Variants in CGGBP1 observed in about 807,000 individuals in gnomAD.
CGGBP1 encodes CGG triplet repeat binding protein 1.
Under a neutral mutation model 11.4 loss-of-function variants are expected in CGGBP1, and 4 were observed. The observed-to-expected ratio is 0.35, with a 90% CI of 0.17 to 0.80. The LOEUF is 0.80. CGGBP1 is among the 30% of genes least tolerant of loss of function. The probability of loss-of-function intolerance (pLI) is 0.52; values close to 1 mark genes in which losing one functional copy is unlikely to be tolerated. For synonymous variants in CGGBP1, 76 were observed against 74.1 expected (o/e 1.03, Z -0.13); for missense variants, 135 against 202.1 (o/e 0.67, Z 2.01).
intron 2 of CGGBP1, among the ~76,000 whole-genome samples, chr3:88,102,606 A>G (rs1177512343): frequency 6.6e-6 from 1 of 152,200 alleles, no homozygotes; most frequent in Non-Finnish European, 1.5e-5. Flanking sequence ...CTAAAATAGT[A>G]TCTGGCAATT....
intron 2 of CGGBP1, among the ~76,000 whole-genome samples, chr3:88,130,804 T>A (rs1030546132): frequency 4.0e-5 from 6 of 151,832 alleles, no homozygotes; most frequent in African/African-American, 1.5e-4. Context: ...GAGATAAGAG[T>A]CAAATAGCTA....
intron 2 of CGGBP1, among the ~76,000 whole-genome samples, chr3:88,075,603 G>C (rs1707754501): frequency 6.6e-6 from 1 of 152,080 alleles, no homozygotes; most frequent in Non-Finnish European, 1.5e-5. Context: ...TCCAGGCCTT[G>C]CATAATTTGT....
At position 88,129,089 on chromosome 3, in the gene CGGBP1, G is replaced by C. The variant is rs1576337387; in HGVS notation, c.-229+11881C>G. 1.8e-5 allele frequency: 19 copies of C among 1,060,420 alleles called. 1 individual carries two copies. In the East Asian group the frequency reaches 4.7e-4, roughly 26 times the overall value. 65.7% of individuals were successfully genotyped at this position (1,060,420 alleles called of 1,614,324 possible). On this transcript the variant is annotated intron_variant, in intron 2 of 3. Transcript: ENST00000462901. ...AACCAAAAAAAAAAAGTAGCCCACT[G>C]TTGTTGTTAAATTCCTTTTACAGTA...
chr3:88,091,461 T>G (rs2078083814), intron 2 of CGGBP1, among the ~76,000 whole-genome samples: 1 of 152,210 alleles, frequency 6.6e-6, no homozygotes, highest in Non-Finnish European at 1.5e-5. Context: ...TTGGAATTTT[T>G]TCCCTCTTTC....
At position 88,103,774 on chromosome 3, in the gene CGGBP1, T is replaced by C. The variant is rs1197567396; in HGVS notation, c.-229+37196A>G. ...AGAGATGTATTAACTTTTTTTTTTT[T>C]TTTTTTTTTTGAGATGGAGTCTTGC... is the stretch of plus-strand genomic sequence containing the variant. On this transcript the variant is annotated intron_variant, in intron 2 of 3. Coordinates refer to the CGGBP1 transcript ENST00000462901. Among the ~76,000 whole-genome samples the C allele has an allele frequency of 3.4e-5, 5 of 148,016 alleles. No individual in the cohort carries two copies. In the East Asian group the frequency reaches 7.9e-4, roughly 23 times the overall value.
intron 2 of CGGBP1, among the ~76,000 whole-genome samples, chr3:88,119,708 A>G (rs1705655785): frequency 6.6e-6 from 1 of 152,172 alleles, no homozygotes; most frequent in Non-Finnish European, 1.5e-5. Flanking sequence ...AAAATCTTGC[A>G]TGCACCTTAA....
At chr3:88,080,396 C>G (rs1708018179) in intron 2 of CGGBP1, among the ~76,000 whole-genome samples, 1 of 152,010 alleles carries the variant, frequency 6.6e-6, no homozygotes, top group African/African-American at 2.4e-5. Context: ...TCTGTACTGT[C>G]TTTATATCTG....
At chr3:88,122,653 TTAA>T (rs1705838501) in intron 2 of CGGBP1, among the ~76,000 whole-genome samples, 2 of 152,190 alleles carry the variant, frequency 1.3e-5, no homozygotes, top group Non-Finnish European at 2.9e-5. Context: ...GACTGATGAC[TTAA>T]TAAAGGATTA....
In CGGBP1 at chr3:88,091,460, T is replaced by G. The variant is rs540300491; in HGVS notation, c.-228-33237A>C. On this transcript the variant is annotated intron_variant, in intron 2 of 3. Transcript: ENST00000462901. ...GCTGTTTCAGTGCCTATTGGAATTT[T>G]TTCCCTCTTTCATCTATATAATCTT... Among the ~76,000 whole-genome samples the G allele has an allele frequency of 1.5e-4, 23 of 152,312 alleles. No individual in the cohort carries two copies. In the South Asian group the frequency reaches 3.5e-3, roughly 23 times the overall value.
intron 2 of CGGBP1, among the ~76,000 whole-genome samples, chr3:88,138,266 T>C (rs1410852535): frequency 6.6e-6 from 1 of 152,134 alleles, no homozygotes; most frequent in Non-Finnish European, 1.5e-5. Flanking sequence ...CCATAAGCAG[T>C]TTTTTTAAGC....
intron 2 of CGGBP1, among the ~76,000 whole-genome samples, chr3:88,135,931 AT>A (rs1303590331): frequency 1.3e-5 from 2 of 151,956 alleles, no homozygotes; most frequent in South Asian, 2.1e-4. Flanking sequence ...ATACATTTTA[AT>A]TTTTTTATGT....
At chr3:88,089,284 G>T (rs1166505864) in intron 2 of CGGBP1, among the ~76,000 whole-genome samples, 4 of 149,566 alleles carry the variant, frequency 2.7e-5, no homozygotes, top group African/African-American at 7.4e-5. Context: ...AAGGTCAAGA[G>T]ATCGAGACCA....
chr3:88,120,933 C>T (rs1705732112), intron 2 of CGGBP1, among the ~76,000 whole-genome samples: 1 of 151,992 alleles, frequency 6.6e-6, no homozygotes, highest in South Asian at 2.1e-4. Flanking sequence ...TGAAAGGATA[C>T]TTTTGATAGA....
intron 2 of CGGBP1, among the ~76,000 whole-genome samples, chr3:88,094,786 T>C (rs1400942642): frequency 7.2e-5 from 11 of 151,978 alleles, no homozygotes; most frequent in African/African-American, 2.7e-4. Context: ...AGAGCTGAAC[T>C]TTTTTTTCTT....
At chr3:88,143,358 A>C (rs1269693504) in intron 1 of CGGBP1, 1 of 152,294 alleles carries the variant, frequency 6.6e-6, no homozygotes, top group African/African-American at 2.4e-5. Context: ...ATTTACATTT[A>C]GGTAACTAAA....
chr3:88,099,640 G>A (rs1391282462), intron 2 of CGGBP1, among the ~76,000 whole-genome samples: 1 of 152,088 alleles, frequency 6.6e-6, no homozygotes, highest in Non-Finnish European at 1.5e-5. Context: ...CAGACCAATG[G>A]AACAGGACAG....
chr3:88,109,752 C>G (rs142453975), intron 2 of CGGBP1, among the ~76,000 whole-genome samples: 35 of 152,122 alleles, frequency 2.3e-4, no homozygotes, highest in Admixed American at 1.3e-3. Flanking sequence ...ACATAACTTA[C>G]AATTTGGACT....
intron 2 of CGGBP1, among the ~76,000 whole-genome samples, chr3:88,090,158 A>T (rs1305659782): frequency 1.3e-5 from 2 of 152,216 alleles, no homozygotes; most frequent in Admixed American, 1.3e-4. Flanking sequence ...ACCTATTAAA[A>T]AAAGGTTAAC....
At chr3:88,068,982 T>C (rs547083165) in intron 2 of CGGBP1, among the ~76,000 whole-genome samples, 96 of 152,310 alleles carry the variant, frequency 6.3e-4, no homozygotes, top group African/African-American at 2.3e-3. Context: ...TGATATATAC[T>C]GTAGCTTACT....
Sources: gnomAD v4.1 joint callset for allele counts (sites outside exome capture counted in the v4.1 genomes callset) on GRCh38, gnomAD v4.1.1 for gene constraint, MANE v1.5 for transcripts, NCBI Gene and HGNC (gene_info 2026-07-23, HGNC 2026-07-21) for gene names.